The following STX17 variants were observed in gnomAD, a reference collection of about 807,000 sequenced individuals.
STX17 encodes the protein syntaxin 17.
In STX17, 29 loss-of-function variants were observed where a neutral mutation model predicts 35.9. The ratio of observed to expected loss-of-function variants is 0.81; its 90% confidence interval spans 0.60 to 1.10. The LOEUF (loss-of-function observed/expected upper bound fraction) is 1.10. Ranked by LOEUF, STX17 falls within the 50% of genes least tolerant of loss-of-function variation. STX17 has a pLI of 0.00. For missense variants in STX17, 312 were observed against 352.3 expected (o/e 0.89, Z 0.92); for synonymous variants, 92 against 118.3 (o/e 0.78, Z 1.44).
chr9:99,935,355 G>A (rs1486331864), intron 3 of STX17, among the ~76,000 whole-genome samples: 2 of 150,376 alleles, frequency 1.3e-5, no homozygotes, highest in Non-Finnish European at 3.0e-5. Flanking sequence ...AAAAGAAAAA[G>A]TGTAGCTATA....
Position 99,951,166 on chromosome 9 carries a change from C to A in STX17, c.296C>A (p.Ser99Ter), listed in dbSNP as rs756057936. The A allele has an allele frequency of 1.2e-6, 2 of 1,613,094 alleles. No homozygotes were observed. The highest frequency in any genetic ancestry group is 8.5e-7 in the Non-Finnish European group (1 of 1,179,246). ...ATAGATCCTGTTAAAGAAGAAGCAT[C>A]AGCAGCAACAGCAGAATTTCTCCAA... is the stretch of plus-strand genomic sequence containing the variant. ...RMIDPVKEEA[S>*]AATAEFLQLH... is the part of the protein sequence containing the mutation. Residue 99 changes from serine to a stop codon, truncating the protein, a stop_gained, in exon 4 of 8, where the codon TCA (serine) becomes TAA (stop). Coordinates refer to ENST00000259400, the MANE Select transcript of STX17 (RefSeq NM_017919.3). LOFTEE classifies it high-confidence loss of function.
Position 99,928,918 on chromosome 9 carries a change from C to T in STX17, c.189+75C>T. 9 of 1,323,146 alleles carry T rather than the reference C, an allele frequency of 6.8e-6. No homozygotes were observed. In the South Asian group the frequency reaches 1.1e-4, roughly 16 times the overall value. 82.0% of individuals were successfully genotyped at this position (1,323,146 alleles called of 1,614,324 possible). Reference sequence around the variant, plus strand: ...TAAGACAATTTTGCTAAAATATTACCTTTGCAGCTGAACCCTTTTATACAC... The same window carrying T: ...TAAGACAATTTTGCTAAAATATTACTTTTGCAGCTGAACCCTTTTATACAC... On this transcript the variant is annotated intron_variant, in intron 3 of 7. Coordinates refer to ENST00000259400, the MANE Select transcript of STX17 (RefSeq NM_017919.3).
intron 4 of STX17, among the ~76,000 whole-genome samples, chr9:99,951,771 A>G (rs570466265): frequency 6.6e-6 from 1 of 152,144 alleles, no homozygotes; most frequent in East Asian, 1.9e-4. Flanking sequence ...TCTAAGAAAC[A>G]GCCCTGTGAA....
intron 4 of STX17, among the ~76,000 whole-genome samples, chr9:99,957,342 C>T (rs1015583976): frequency 2.0e-5 from 3 of 152,096 alleles, no homozygotes; most frequent in Non-Finnish European, 4.4e-5. Context: ...AGATAGATAC[C>T]AATGCAGTCT....
chr9:99,909,590 A>G (rs989098197), intron 1 of STX17, among the ~76,000 whole-genome samples: 1 of 152,226 alleles, frequency 6.6e-6, no homozygotes, highest in Non-Finnish European at 1.5e-5. Flanking sequence ...TTATGAGTTA[A>G]TAAGAGAAAG....
intron 1 of STX17, among the ~76,000 whole-genome samples, chr9:99,909,096 C>T (rs140944559): frequency 2.0e-5 from 3 of 152,328 alleles, no homozygotes; most frequent in African/African-American, 7.2e-5. Flanking sequence ...GACCTATGTT[C>T]CTGTGAGAAA....
intron 1 of STX17, among the ~76,000 whole-genome samples, chr9:99,911,188 A>C (rs946264370): frequency 2.0e-4 from 31 of 152,080 alleles, no homozygotes; most frequent in African/African-American, 7.2e-4. Context: ...GGTGCATGCC[A>C]CCACGCCTGG....
At chr9:99,943,165 G>A (rs1380302729) in intron 3 of STX17, among the ~76,000 whole-genome samples, 5 of 151,952 alleles carry the variant, frequency 3.3e-5, no homozygotes, top group Admixed American at 2.6e-4. Flanking sequence ...ATGCAGTCTC[G>A]GTCTGTTGCC....
intron 2 of STX17, among the ~76,000 whole-genome samples, chr9:99,919,771 A>G (rs991053328): frequency 1.3e-5 from 2 of 152,186 alleles, no homozygotes; most frequent in Non-Finnish European, 2.9e-5. Context: ...GCATTGAGGA[A>G]TATGTAAAAG....
chr9:99,962,006 C>G (rs1018266297), intron 6 of STX17, among the ~76,000 whole-genome samples: 10 of 152,224 alleles, frequency 6.6e-5, no homozygotes, highest in African/African-American at 2.4e-4. Flanking sequence ...TGCCTTCTTT[C>G]CATATGAAAG....
At chr9:99,945,426 A>T (rs995414031) in intron 3 of STX17, among the ~76,000 whole-genome samples, 1 of 151,962 alleles carries the variant, frequency 6.6e-6, no homozygotes, top group Non-Finnish European at 1.5e-5. Flanking sequence ...TTCTTTGGAG[A>T]GGAGGTGTTA....
chr9:99,967,794 T>G, intron 7 of STX17, 55 bp downstream of exon 7: 218 of 1,485,256 alleles, frequency 1.5e-4, no homozygotes, highest in Non-Finnish European at 1.8e-4. Flanking sequence ...CAGGAATCTC[T>G]AGTATTAACC....
chr9:99,915,656 G>T (rs1471903565), intron 2 of STX17, among the ~76,000 whole-genome samples: 1 of 152,118 alleles, frequency 6.6e-6, no homozygotes, highest in South Asian at 2.1e-4. Context: ...GCAGTGGCAT[G>T]ATCATAGCCT....
chr9:99,909,916 C>T (rs1828625723), intron 1 of STX17, among the ~76,000 whole-genome samples: 1 of 151,630 alleles, frequency 6.6e-6, no homozygotes, highest in South Asian at 2.1e-4. Flanking sequence ...TAATATATAC[C>T]CACAAAAATT....
intron 3 of STX17, among the ~76,000 whole-genome samples, chr9:99,938,284 T>G (rs1375505264): frequency 6.6e-6 from 1 of 152,204 alleles, no homozygotes; most frequent in Non-Finnish European, 1.5e-5. Flanking sequence ...CTCTGTTAAA[T>G]GAACAGTGCT....
intron 2 of STX17, among the ~76,000 whole-genome samples, chr9:99,923,544 G>T (rs892629621): frequency 1.2e-4 from 18 of 152,150 alleles, no homozygotes; most frequent in Non-Finnish European, 2.6e-4. Context: ...CCAAATGTGT[G>T]TGAGTTTCTC....
rs541340350 is a variant in STX17 at position 99,967,569 on chromosome 9, C to T, written c.583-84C>T. 5.6e-6 allele frequency: 7 copies of T among 1,260,720 alleles called. No individual in the cohort carries two copies. In the African/African-American group the frequency reaches 1.0e-4, roughly 18 times the overall value. The allele number at this position is 1,260,720 out of a possible 1,614,324, so 78.1% of individuals were successfully genotyped here. ...TGGCAAGGCTGCAGTACCCAGGGCC[C>T]TGATTACAGGAATTAAAATAGTGTG... On this transcript the variant is annotated intron_variant, in intron 6 of 7. Transcript: ENST00000259400.
Position 99,963,799 on chromosome 9 carries a change from A to G in STX17, c.582+3644A>G, listed in dbSNP as rs545161707. 2.6e-5 allele frequency among the ~76,000 whole-genome samples: 4 copies of G among 152,306 alleles called. No homozygotes were observed. In the South Asian group the frequency reaches 8.3e-4, roughly 32 times the overall value. On this transcript the variant is annotated intron_variant, in intron 6 of 7. Transcript: ENST00000259400. Reference sequence around the variant, plus strand: ...TGCTTATTGCTTACTCGAAGCCAATATAATCACTTATTTTGCCTATATATC... The same window carrying G: ...TGCTTATTGCTTACTCGAAGCCAATGTAATCACTTATTTTGCCTATATATC...
intron 2 of STX17, 110 bp from the exon 3 acceptor site, chr9:99,928,668 C>T: frequency 1.2e-6 from 1 of 803,136 alleles, no homozygotes; most frequent in Non-Finnish European, 2.1e-6. Flanking sequence ...TCACTCTCTT[C>T]TCTAGATAGT....
Sources: gnomAD v4.1 joint callset for allele counts (sites outside exome capture counted in the v4.1 genomes callset) on GRCh38, gnomAD v4.1.1 for gene constraint, MANE v1.5 for transcripts, NCBI Gene and HGNC (gene_info 2026-07-23, HGNC 2026-07-21) for gene names.